MATN2: variants seen among roughly 807,000 people sequenced by gnomAD.
The protein encoded by MATN2 is matrilin-2.
MATN2 carries 69 observed loss-of-function variants against 103.2 expected under a neutral mutation model. The observed-to-expected ratio is 0.67, with a 90% CI of 0.55 to 0.82. MATN2 has a LOEUF of 0.82. MATN2 is among the 40% of genes least tolerant of loss of function. The pLI is 0.00. For synonymous variants in MATN2, 429 were observed against 450.2 expected, an observed-to-expected ratio of 0.95 and a Z score of 0.60; for missense variants, 1,023 against 1,211.5, an observed-to-expected ratio of 0.84 and a Z score of 2.31.
At chr8:98,003,618 G>A (rs1333954925) in intron 7 of MATN2, 43 bp from the exon 8 acceptor site, 3 of 1,611,724 alleles carry the variant, frequency 1.9e-6, no homozygotes, top group Non-Finnish European at 8.5e-7. Flanking sequence ...AGCCCTGGGA[G>A]AGGTCCAGAG....
In MATN2 at chr8:98,032,721, G is replaced by A. The variant is rs533608059; in HGVS notation, c.2582-321G>A. ...TAATTTTTGTATTTTTAGTAGAGACGGGGTTTTACCATGTTGGCCAGGCTG... is the reference window on the plus strand; with the variant it reads ...TAATTTTTGTATTTTTAGTAGAGACAGGGTTTTACCATGTTGGCCAGGCTG... On this transcript the variant is annotated intron_variant, in intron 16 of 18. Coordinates refer to ENST00000254898, the MANE Select transcript of MATN2 (RefSeq NM_002380.5). 1.1e-4 allele frequency among the ~76,000 whole-genome samples: 16 copies of A among 152,064 alleles called. No homozygotes were observed. The South Asian group carries it at 2.5e-3, about 24-fold the overall frequency.
chr8:97,896,588 G>T (rs1038226622), intron 2 of MATN2, among the ~76,000 whole-genome samples: 2 of 151,588 alleles, frequency 1.3e-5, no homozygotes, highest in Admixed American at 1.3e-4. Flanking sequence ...GCAAGGTTAG[G>T]CAGTGGGATC....
chr8:97,879,296 G>A lies in MATN2; in HGVS notation c.-26-8779G>A, dbSNP rs564229966. Among the ~76,000 whole-genome samples, 13 of 152,310 alleles carry A rather than the reference G, an allele frequency of 8.5e-5. No individual in the cohort carries two copies. The South Asian group carries it at 2.7e-3, about 32-fold the overall frequency. On this transcript the variant is annotated intron_variant, in intron 1 of 18. Coordinates refer to ENST00000254898, the MANE Select transcript of MATN2 (RefSeq NM_002380.5). ...GGACCGGCATGGATGGAGGCGCCCC[G>A]CTATGACAAGAGTCTGAGTTCTTCA...
chr8:97,887,734 T>A (rs567672317), intron 1 of MATN2: 58 of 161,252 alleles, frequency 3.6e-4, no homozygotes, highest in Non-Finnish European at 6.5e-4. Context: ...AATAGCTTTT[T>A]TTTATTCAAA....
intron 3 of MATN2, among the ~76,000 whole-genome samples, chr8:97,935,793 G>A (rs1380272122): frequency 6.6e-6 from 1 of 152,222 alleles, no homozygotes; most frequent in African/African-American, 2.4e-5. Flanking sequence ...TGGCCTGTAA[G>A]TGGTAGAGTT....
At chr8:97,923,134 T>C (rs1402478363) in intron 2 of MATN2, among the ~76,000 whole-genome samples, 1 of 152,156 alleles carries the variant, frequency 6.6e-6, no homozygotes. Context: ...GCCCTTTTTT[T>C]TTTCTTTCTT....
intron 10 of MATN2, among the ~76,000 whole-genome samples, chr8:98,014,521 T>C (rs1185922685): frequency 6.6e-6 from 1 of 152,236 alleles, no homozygotes; most frequent in Non-Finnish European, 1.5e-5. Context: ...ATTGCAGTTA[T>C]CAAACTTTTC....
At position 98,021,216 on chromosome 8, in the gene MATN2, T is replaced by C. The variant is rs906117140; in HGVS notation, c.1831T>C (p.Cys611Arg). 8 of 1,613,536 alleles carry C rather than the reference T, an allele frequency of 5.0e-6. No homozygotes were observed. Among genetic ancestry groups the C allele is most frequent in the Middle Eastern group, 1.7e-4 (1 of 6,056 alleles). ...DGKRCRRKDVCKSTHHGCEHI... is the reference protein window; with the variant it reads ...DGKRCRRKDVRKSTHHGCEHI... ...TACATTTTCCTCAGGGAAGGATGTC[T>C]GCAAATCAACCCACCATGGCTGCGA... Residue 611 changes from cysteine (C) to arginine (R), a missense_variant, in exon 13 of 19, where the codon TGC becomes CGC. Transcript: ENST00000254898.
At chr8:98,002,337 G>A (rs968725798) in intron 7 of MATN2, among the ~76,000 whole-genome samples, 4 of 152,174 alleles carry the variant, frequency 2.6e-5, no homozygotes, top group Non-Finnish European at 4.4e-5. Context: ...CTATGCCAGC[G>A]TGGTCTCAAC....
chr8:98,008,576 G>C lies in MATN2; in HGVS notation c.1573+975G>C, dbSNP rs565102793. ...CTGTGAGAAAATATTTCCAGTTTGG[G>C]ACAGATCCTTGGATCTTAGCAAATG... On this transcript the variant is annotated intron_variant, in intron 10 of 18. Coordinates refer to ENST00000254898, the MANE Select transcript of MATN2 (RefSeq NM_002380.5). Among the ~76,000 whole-genome samples, 5 of 152,280 alleles carry C rather than the reference G, an allele frequency of 3.3e-5. No homozygotes were observed. The South Asian group carries it at 8.3e-4, about 25-fold the overall frequency.
intron 5 of MATN2, among the ~76,000 whole-genome samples, chr8:97,969,075 C>T (rs1044412770): frequency 2.0e-5 from 3 of 152,164 alleles, no homozygotes; most frequent in Non-Finnish European, 4.4e-5. Context: ...AAAGGGGGAG[C>T]AAGTATGTCA....
intron 15 of MATN2, 49 bp downstream of exon 15, chr8:98,030,663 CCTTT>C: frequency 3.2e-6 from 5 of 1,569,894 alleles, no homozygotes; most frequent in Non-Finnish European, 4.3e-6. Context: ...AGCATGAACT[CCTTT>C]TTTTTTGTTT....
chr8:97,904,917 C>T (rs1819111888), intron 2 of MATN2, among the ~76,000 whole-genome samples: 1 of 152,180 alleles, frequency 6.6e-6, no homozygotes, highest in South Asian at 2.1e-4. Flanking sequence ...ACTCTAAGTG[C>T]AGTTTAGCAT....
rs757116752 is a variant in MATN2, at chr8:98,035,636, C to T, written c.2816-21C>T. 3.4e-6 allele frequency: 5 copies of T among 1,471,360 alleles called. No homozygotes were observed. The Admixed American group carries it at 9.1e-5, about 27-fold the overall frequency. The allele number at this position is 1,471,360 out of a possible 1,614,324, so 91.1% of individuals were successfully genotyped here. A position where few individuals can be genotyped will look rare whatever the true frequency, so the allele number is the denominator to read the frequency against. On this transcript the variant is annotated intron_variant, in intron 18 of 18. Transcript: ENST00000254898. Reference sequence around the variant, plus strand: ...TAAATAAAAATAGACAATTCTTCATCTTCCTTAATTTGAGATTTACTAGAA... The same window carrying T: ...TAAATAAAAATAGACAATTCTTCATTTTCCTTAATTTGAGATTTACTAGAA...
chr8:98,009,401 G>A (rs913130459), intron 10 of MATN2, among the ~76,000 whole-genome samples: 1 of 152,194 alleles, frequency 6.6e-6, no homozygotes, highest in Non-Finnish European at 1.5e-5. Flanking sequence ...ATTTGGTAAA[G>A]CCTTTTGGGG....
chr8:97,928,218 C>CTT lies in MATN2; in HGVS notation c.143-2712_143-2711dup, dbSNP rs34226792. On this transcript the variant is annotated intron_variant, in intron 2 of 18. Transcript: ENST00000254898. ...ATGAAAATTAGAAAAGCACTCCTGC[C>CTT]TTTTTTTTTTTTTTTTTTTTTTTTC... Among the ~76,000 whole-genome samples the CTT allele has an allele frequency of 5.5e-3, 487 of 89,252 alleles. 21 individuals are homozygous for CTT. Among genetic ancestry groups the CTT allele is most frequent in the African/African-American group, 0.021 (452 of 22,018 alleles). 58.6% of individuals were successfully genotyped at this position (89,252 alleles called of 152,430 possible). A position where few individuals can be genotyped will look rare whatever the true frequency, so the allele number is the denominator to read the frequency against.
At chr8:97,890,373 G>T (rs1015028813) in intron 2 of MATN2, among the ~76,000 whole-genome samples, 1 of 151,788 alleles carries the variant, frequency 6.6e-6, no homozygotes, top group Non-Finnish European at 1.5e-5. Context: ...GCTGAGGCAG[G>T]AGAATCGCTT....
At chr8:97,895,020 C>T (rs527425613) in intron 2 of MATN2, among the ~76,000 whole-genome samples, 2 of 152,198 alleles carry the variant, frequency 1.3e-5, no homozygotes, top group African/African-American at 4.8e-5. Context: ...TTGCAGGCGC[C>T]CGCCACCATG....
intron 13 of MATN2, chr8:98,024,867 G>A (rs1463372485): frequency 6.6e-6 from 1 of 152,178 alleles, no homozygotes; most frequent in Non-Finnish European, 1.5e-5. Context: ...TAATAAGTGG[G>A]GCTGTCCTTC....
Sources: gnomAD v4.1 joint callset for allele counts (sites outside exome capture counted in the v4.1 genomes callset) on GRCh38, gnomAD v4.1.1 for gene constraint, MANE v1.5 for transcripts, NCBI Gene and HGNC (gene_info 2026-07-23, HGNC 2026-07-21) for gene names.